The following TASOR2 variants were observed in gnomAD, a reference collection of about 807,000 sequenced individuals.
TASOR2 encodes transcription activation suppressor family member 2, also known as protein TASOR 2.
A neutral mutation model predicts 199.5 loss-of-function variants in TASOR2; 84 were observed. That is an observed-to-expected ratio of 0.42 (90% CI 0.35 to 0.50). TASOR2 has a LOEUF of 0.50. TASOR2 is among the 20% of genes least tolerant of loss of function. TASOR2 has a pLI of 0.02. For missense variants in TASOR2, 2,796 were observed against 2,835.9 expected (o/e 0.99, Z 0.32); for synonymous variants, 1,103 against 1,046.6 (o/e 1.05, Z -1.04).
chr10:5,746,734 C>G, exon 15 of TASOR2: 3 of 1,614,112 alleles, frequency 1.9e-6, no homozygotes, highest in Non-Finnish European at 2.5e-6. Flanking sequence ...TGCACGAACA[C>G]AAGGCCTGAG....
chr10:5,749,613 C>G (rs1470784796), exon 15 of TASOR2: 1 of 1,614,134 alleles, frequency 6.2e-7, no homozygotes, highest in Non-Finnish European at 8.5e-7. Context: ...GCAGTCTGGA[C>G]AGCTCTTCCT....
At position 5,706,999 on chromosome 10, in the gene TASOR2, G is replaced by A. The variant is rs564929819; in HGVS notation, c.-287-5824G>A. Among the ~76,000 whole-genome samples the A allele has an allele frequency of 9.2e-5, 8 of 87,402 alleles. No individual in the cohort carries two copies. Among genetic ancestry groups the A allele is most frequent in the Admixed American group, 4.4e-4 (4 of 9,106 alleles). 57.3% of individuals were successfully genotyped at this position (87,402 alleles called of 152,430 possible). A position where few individuals can be genotyped will look rare whatever the true frequency, so the allele number is the denominator to read the frequency against. ...AGCCTGGGCCACGGAGCAAGACTCC[G>A]TCTCAAAAAAAAAAAAGTAAGCACC... On this transcript the variant is annotated intron_variant, in intron 1 of 20. Coordinates refer to ENST00000328090, the Ensembl canonical transcript of TASOR2. This position sits in a 1 kb window ranked among gnomAD's most constrained non-coding sequence, Gnocchi z 4.8.
At chr10:5,724,619 TATTA>T (rs1304671254) in intron 8 of TASOR2, 86 bp downstream of exon 9, 1 of 91,504 alleles carries the variant, frequency 1.1e-5, no homozygotes, top group Non-Finnish European at 1.8e-5. Context: ...CATATATATA[TATTA>T]TATATATATA....
intron 18 of TASOR2, among the ~76,000 whole-genome samples, chr10:5,760,512 G>C (rs1163850407): frequency 6.6e-6 from 1 of 152,052 alleles, no homozygotes; most frequent in Non-Finnish European, 1.5e-5. Flanking sequence ...TCTCTAGGAG[G>C]GAGATATGCA....
At chr10:5,697,535 A>G (rs561440720) in intron 1 of TASOR2, among the ~76,000 whole-genome samples, 1 of 152,222 alleles carries the variant, frequency 6.6e-6, no homozygotes, top group Non-Finnish European at 1.5e-5. Flanking sequence ...GGCATGGGGG[A>G]GGCAGAGATC....
At chr10:5,724,087 G>A (rs1278052644) in intron 7 of TASOR2, among the ~76,000 whole-genome samples, 1 of 152,032 alleles carries the variant, frequency 6.6e-6, no homozygotes. Context: ...AGTTTTTGTT[G>A]GTTTTATTTA....
rs1457462521 is a variant in TASOR2 at position 5,748,511 on chromosome 10, G to A, written c.5090G>A (p.Gly1697Asp). 2.5e-6 allele frequency: 4 copies of A among 1,613,696 alleles called. No individual in the cohort carries two copies. In the African/African-American group the frequency reaches 5.3e-5, roughly 22 times the overall value. ...AGAATGGCCAGTTTGCTTAAGAATG[G>A]TGAGCCTGAAGCTGAGTTACATAAA... Residue 1697 changes from glycine (G) to aspartate (D), a missense_variant, in exon 15 of 21, where the codon GGT becomes GAT. Gly to Asp is a moderately conservative substitution (Grantham distance 94). This residue lies in a region of TASOR2 where 1,941 missense variants were observed against 1,924.9 expected (regional missense o/e 1.01). Transcript: ENST00000328090. This position sits in a 1 kb window ranked among gnomAD's most constrained non-coding sequence, Gnocchi z 5.1.
intron 15 of TASOR2, among the ~76,000 whole-genome samples, chr10:5,753,950 T>A (rs2669136): frequency 1 from 152,065 of 152,286 alleles, 75,922 homozygotes; most frequent in East Asian, 1. Context: ...AGTCAGCATC[T>A]TGGTCACGTA....
rs568485976 is a variant in TASOR2, at chr10:5,701,166, G to A, written c.-287-11657G>A. On this transcript the variant is annotated intron_variant, in intron 1 of 20. Transcript: ENST00000328090. This position sits in a 1 kb window ranked among gnomAD's most constrained non-coding sequence, Gnocchi z 4.9. The stretch of plus-strand genomic sequence containing the variant: ...TTAAATCCATTTTGATTTGAATTTT[G>A]TATATGGTCAGATTGTTTTGTTCTT... Among the ~76,000 whole-genome samples the A allele has an allele frequency of 3.1e-4, 47 of 152,124 alleles. No individual in the cohort carries two copies. Among genetic ancestry groups the A allele is most frequent in the African/African-American group, 1.1e-3 (46 of 41,518 alleles).
chr10:5,758,798 T>G (rs758217002), intron 17 of TASOR2, 89 bp from the exon 19 acceptor site: 88 of 947,844 alleles, frequency 9.3e-5, no homozygotes, highest in Middle Eastern at 2.2e-4. Context: ...GTTTTTTTCT[T>G]GTTTTACAAA....
rs191805217 is a variant in TASOR2 at position 5,703,589 on chromosome 10, C to T, written c.-287-9234C>T. On this transcript the variant is annotated intron_variant, in intron 1 of 20. Coordinates refer to ENST00000328090, the Ensembl canonical transcript of TASOR2. ...CACAATCTCGGCTCACTGCAAGCTCCGCCTCCCGGGTTCATGCCATTCTCC... is the reference window on the plus strand; with the variant it reads ...CACAATCTCGGCTCACTGCAAGCTCTGCCTCCCGGGTTCATGCCATTCTCC... 2.8e-3 allele frequency among the ~76,000 whole-genome samples: 418 copies of T among 148,182 alleles called. 9 individuals carry two copies. The highest frequency in any genetic ancestry group is 0.022 in the Admixed American group (316 of 14,514).
chr10:5,718,291 C>T (rs1277783052), intron 3 of TASOR2, among the ~76,000 whole-genome samples: 2 of 147,698 alleles, frequency 1.4e-5, no homozygotes, highest in South Asian at 2.1e-4. Context: ...GATTGGGCTT[C>T]TTGAGGACAT....
At chr10:5,739,561 G>T in intron 12 of TASOR2, 57 bp from the exon 14 acceptor site, 1 of 1,492,996 alleles carries the variant, frequency 6.7e-7, no homozygotes. Flanking sequence ...TAATATGGCA[G>T]AGAGTTAATT....
rs576155149 is a variant in TASOR2, at chr10:5,748,701, A to G, written c.5280A>G (p.Thr1760=). The change falls in exon 15 of 21, where the codon ACA becomes ACG. Residue 1760 remains threonine (T), a synonymous_variant. Transcript: ENST00000328090. This position sits in a 1 kb window ranked among gnomAD's most constrained non-coding sequence, Gnocchi z 5.1. ...TTTGTGCTGGTCCCTACCAAAATAC[A>G]GCAGACACCAAGGAAAACCTCAGTA... is the stretch of plus-strand genomic sequence containing the variant. The G allele has an allele frequency of 5.0e-6, 8 of 1,614,236 alleles. No individual in the cohort carries two copies. The East Asian group carries it at 1.8e-4, about 36-fold the overall frequency.
intron 17 of TASOR2, 113 bp from the exon 19 acceptor site, chr10:5,758,774 A>G: frequency 1.4e-6 from 1 of 731,548 alleles, no homozygotes; most frequent in Admixed American, 2.4e-5. Flanking sequence ...GTACTCAACC[A>G]TGGGTCTTAG....
chr10:5,757,636 GA>G lies in TASOR2; in HGVS notation c.6850del (p.Ile2284TyrfsTer7). 1 of 1,613,828 alleles carries G rather than the reference GA, an allele frequency of 6.2e-7. No homozygotes were observed. The highest frequency in any genetic ancestry group is 8.5e-7 in the Non-Finnish European group (1 of 1,179,904). ...AACTGTTTCGTGCAGGAGGCTTTGTGATATCAGATGACAAGATACTAGAAGC... is the reference window on the plus strand; with the variant it reads ...AACTGTTTCGTGCAGGAGGCTTTGTGTATCAGATGACAAGATACTAGAAGC... On this transcript the variant is annotated frameshift_variant, in exon 17 of 21. Transcript: ENST00000328090. LOFTEE classifies it high-confidence loss of function.
intron 1 of TASOR2, among the ~76,000 whole-genome samples, chr10:5,705,428 G>A (rs1838452342): frequency 6.6e-6 from 1 of 152,132 alleles, no homozygotes; most frequent in African/African-American, 2.4e-5. Context: ...AGGCTACTGT[G>A]AAAAAGCTGC....
At chr10:5,713,047 A>C in intron 2 of TASOR2, 129 bp downstream of exon 2, 1 of 430,684 alleles carries the variant, frequency 2.3e-6, no homozygotes, top group Non-Finnish European at 3.9e-6. Flanking sequence ...GTGGCATGTA[A>C]ATGACAGCAA....
intron 20 of TASOR2, 164 bp downstream of exon 21, chr10:5,762,810 A>T: frequency 3.2e-6 from 2 of 632,320 alleles, no homozygotes; most frequent in South Asian, 2.0e-5. Context: ...TGGCATAAAT[A>T]GGAATTCCTA....
Sources: allele counts gnomAD v4.1 joint callset (sites outside exome capture counted in the v4.1 genomes callset), GRCh38; gene constraint gnomAD v4.1.1; regional missense constraint gnomAD v4.1.1; non-coding constraint Gnocchi (gnomAD v3.1); transcripts MANE v1.5; gene names NCBI Gene and HGNC (gene_info 2026-07-23, HGNC 2026-07-21).